The following UGT2A1 variants were observed in gnomAD, a reference collection of about 807,000 sequenced individuals.
UGT2A1 encodes UDP glucuronosyltransferase family 2 member A1 complex locus.
A neutral mutation model predicts 45.4 loss-of-function variants in UGT2A1; 61 were observed. The observed-to-expected ratio is 1.34, with a 90% CI of 1.09 to 1.66. The LOEUF (loss-of-function observed/expected upper bound fraction) is 1.66, where lower values mean the gene tolerates loss of function less well. Ranked by LOEUF, UGT2A1 falls within the 40% of genes most tolerant of loss-of-function variation. The pLI, the probability that UGT2A1 is intolerant of heterozygous loss-of-function variation, is 0.00. For synonymous variants in UGT2A1, 229 were observed against 196.2 expected, an observed-to-expected ratio of 1.17 and a Z score of -1.40; for missense variants, 649 against 574.3, an observed-to-expected ratio of 1.13 and a Z score of -1.33.
At chr4:69,638,955 T>A (rs1721882513) in intron 2 of UGT2A1, 1 of 1,612,710 alleles carries the variant, frequency 6.2e-7, no homozygotes, top group South Asian at 1.1e-5. Flanking sequence ...AAATATATAG[T>A]CTTGCAGAGA....
At chr4:69,619,339 C>G (rs1187282441) in intron 3 of UGT2A1, among the ~76,000 whole-genome samples, 1 of 151,808 alleles carries the variant, frequency 6.6e-6, no homozygotes, top group Non-Finnish European at 1.5e-5. Context: ...GTTGAGACTA[C>G]AGTGAGCCAA....
At chr4:69,649,349 T>C (rs893095541) in intron 1 of UGT2A1, among the ~76,000 whole-genome samples, 1 of 152,120 alleles carries the variant, frequency 6.6e-6, no homozygotes, top group Non-Finnish European at 1.5e-5. Context: ...AATTTTTGCC[T>C]TTCTGGTGTC....
chr4:69,638,211 C>G (rs1419404829), intron 2 of UGT2A1, among the ~76,000 whole-genome samples: 1 of 151,900 alleles, frequency 6.6e-6, no homozygotes, highest in Non-Finnish European at 1.5e-5. Context: ...GAGGCAAAAT[C>G]ATCAAGAGAG....
At chr4:69,649,700 A>G (rs1722434379) in intron 1 of UGT2A1, among the ~76,000 whole-genome samples, 1 of 152,056 alleles carries the variant, frequency 6.6e-6, no homozygotes, top group African/African-American at 2.4e-5. Flanking sequence ...ACATATACAT[A>G]TACATGCTGT....
At position 69,635,835 on chromosome 4, in the gene UGT2A1, A is replaced by AAAAAAAAAAAAAAAAG. The variant is rs1721663102; in HGVS notation, c.716-29_716-14dup. Reference sequence around the variant, plus strand: ...AGTAAGAGTCCACCTCACCAAAAAAAAAAAAAAAAAAAAAAGAGAGAGAGA... The same window carrying AAAAAAAAAAAAAAAAG: ...AGTAAGAGTCCACCTCACCAAAAAAAAAAAAAAAAAAAAAAGAAAAAAAAAAAAAAAGAGAGAGAGA... On this transcript the variant is annotated splice_polypyrimidine_tract_variant and intron_variant, in intron 2 of 6. Transcript: ENST00000286604. 1 of 132,518 alleles carries AAAAAAAAAAAAAAAAG rather than the reference A, an allele frequency of 7.5e-6. No homozygotes were observed. The highest frequency in any genetic ancestry group is 1.5e-5 in the Non-Finnish European group (1 of 66,588). 8.2% of individuals were successfully genotyped at this position (132,518 alleles called of 1,614,324 possible).
intron 1 of UGT2A1, among the ~76,000 whole-genome samples, chr4:69,648,263 T>C (rs1263644653): frequency 7.0e-6 from 1 of 143,058 alleles, no homozygotes; most frequent in Non-Finnish European, 1.5e-5. Flanking sequence ...TATAGTATTA[T>C]ATTACTACTT....
intron 3 of UGT2A1, among the ~76,000 whole-genome samples, chr4:69,625,725 A>T (rs1721018106): frequency 1.3e-5 from 2 of 151,536 alleles, no homozygotes; most frequent in Non-Finnish European, 3.0e-5. Context: ...ATTTACATAC[A>T]GAAATACAGA....
intron 3 of UGT2A1, among the ~76,000 whole-genome samples, chr4:69,631,034 C>T (rs1721354354): frequency 6.6e-6 from 1 of 152,114 alleles, no homozygotes; most frequent in Non-Finnish European, 1.5e-5. Flanking sequence ...AAATCATCGA[C>T]ATAAGCTTTC....
chr4:69,635,963 T>G, intron 2 of UGT2A1, 141 bp from the exon 3 acceptor site: 1 of 152,130 alleles, frequency 6.6e-6, no homozygotes, highest in Non-Finnish European at 1.5e-5. Flanking sequence ...AGCAGTGATT[T>G]TCATAATTCC....
In UGT2A1 at chr4:69,600,620, A is replaced by T. The variant is rs150354237; in HGVS notation, c.848-1226T>A. On this transcript the variant is annotated intron_variant, in intron 3 of 6. Transcript: ENST00000286604. ...ATAAAGAAATACTTGAAACTGAGTA[A>T]TTTATTTTTTTAAAAAGAGGTTTAA... 6.5e-3 allele frequency among the ~76,000 whole-genome samples: 990 copies of T among 152,206 alleles called. 14 individuals carry two copies. The highest frequency in any genetic ancestry group is 0.021 in the African/African-American group (867 of 41,528).
At chr4:69,623,277 C>G (rs1360384162) in intron 3 of UGT2A1, among the ~76,000 whole-genome samples, 4 of 151,770 alleles carry the variant, frequency 2.6e-5, no homozygotes, top group Non-Finnish European at 4.4e-5. Flanking sequence ...GTAGTCTCTA[C>G]AGCTATCTAG....
intron 6 of UGT2A1, among the ~76,000 whole-genome samples, chr4:69,593,984 T>C (rs1718750436): frequency 6.7e-6 from 1 of 148,524 alleles, no homozygotes; most frequent in Non-Finnish European, 1.5e-5. Flanking sequence ...TTTGTTTGTT[T>C]TTTTTTTTGA....
Position 69,595,218 on chromosome 4 carries a change from G to A in UGT2A1, c.1028C>T (p.Ala343Val). The change falls in exon 5 of 7, where the codon GCC becomes GTC. Residue 343 changes from alanine to valine, a missense_variant. Coordinates refer to ENST00000286604, the MANE Select transcript of UGT2A1 (RefSeq NM_001252275.3). The stretch of plus-strand genomic sequence containing the variant: ...GAGCTGAGTATTGTTTCCTAATGTG[G>A]CTGGTTTCTTTCCTTTGTATCTCCA... ...VLWRYKGKKP[A>V]TLGNNTQLFD... 6.2e-7 allele frequency: 1 copy of A among 1,613,742 alleles called. No individual in the cohort carries two copies. Among genetic ancestry groups the A allele is most frequent in the Non-Finnish European group, 8.5e-7 (1 of 1,179,844 alleles).
chr4:69,594,368 A>G, intron 6 of UGT2A1, 109 bp downstream of exon 6: 1 of 1,383,570 alleles, frequency 7.2e-7, no homozygotes, highest in Non-Finnish European at 9.8e-7. Context: ...TGGTCAGGTT[A>G]TGGTTGTTAT....
At chr4:69,600,623 TA>T (rs1281637235) in intron 3 of UGT2A1, among the ~76,000 whole-genome samples, 1 of 152,128 alleles carries the variant, frequency 6.6e-6, no homozygotes, top group African/African-American at 2.4e-5. Flanking sequence ...CTGAGTAATT[TA>T]TTTTTTTAAA....
At chr4:69,605,013 G>A (rs1176236738) in intron 3 of UGT2A1, among the ~76,000 whole-genome samples, 1 of 135,944 alleles carries the variant, frequency 7.4e-6, no homozygotes, top group Non-Finnish European at 1.6e-5. Context: ...ACAGATCAAT[G>A]AGACAGAAAG....
intron 3 of UGT2A1, among the ~76,000 whole-genome samples, chr4:69,617,708 A>G (rs1720486846): frequency 6.6e-6 from 1 of 151,772 alleles, no homozygotes; most frequent in Non-Finnish European, 1.5e-5. Flanking sequence ...AATAATATAA[A>G]TTATTATTCA....
At chr4:69,594,413 A>G (rs1210030181) in intron 6 of UGT2A1, 64 bp downstream of exon 6, 4 of 1,569,018 alleles carry the variant, frequency 2.5e-6, no homozygotes, top group Non-Finnish European at 2.6e-6. Flanking sequence ...AAGAATGTAC[A>G]TTTTCTGGTA....
intron 3 of UGT2A1, among the ~76,000 whole-genome samples, chr4:69,618,186 C>CGT (rs1720511311): frequency 5.9e-5 from 3 of 51,150 alleles, no homozygotes; most frequent in South Asian, 9.3e-4. Flanking sequence ...GGCCAGTAAG[C>CGT]ATGTGTGTGT....
Sources: gnomAD v4.1 joint callset for allele counts (sites outside exome capture counted in the v4.1 genomes callset) on GRCh38, gnomAD v4.1.1 for gene constraint, MANE v1.5 for transcripts, NCBI Gene and HGNC (gene_info 2026-07-23, HGNC 2026-07-21) for gene names.